Variants in WDR76 observed in about 807,000 individuals in gnomAD.
WDR76 encodes the protein WD repeat domain 76, also known as WD repeat-containing protein 76.
In WDR76, 52 loss-of-function variants were observed where a neutral mutation model predicts 70.2. The observed-to-expected ratio is 0.74, with a 90% confidence interval of 0.59 to 0.93. The LOEUF (loss-of-function observed/expected upper bound fraction) is 0.93, where lower values mean the gene tolerates loss of function less well. WDR76 is among the 40% of genes least tolerant of loss of function. The pLI, the probability that WDR76 is intolerant of heterozygous loss-of-function variation, is 0.00. For missense variants in WDR76, 756 were observed against 760.2 expected (o/e 0.99, Z 0.07); for synonymous variants, 292 against 271.1 (o/e 1.08, Z -0.76).
rs921948036 is a variant in WDR76, at chr15:43,866,695, T to C, written c.*303T>C. 1.6e-5 allele frequency: 4 copies of C among 255,248 alleles called. No homozygotes were observed. The highest frequency in any genetic ancestry group is 2.3e-5 in the African/African-American group (1 of 43,480). 15.8% of individuals were successfully genotyped at this position (255,248 alleles called of 1,614,324 possible). On this transcript the variant is annotated 3_prime_UTR_variant, in exon 13 of 13. Transcript: ENST00000263795. ...AGGCTGGAGTGCAATAGCGCGATCT[T>C]GGCTCACCGCAACCTCCGCCTCCCA...
chr15:43,843,568 A>G (rs1010329772), intron 7 of WDR76, among the ~76,000 whole-genome samples: 5 of 152,010 alleles, frequency 3.3e-5, no homozygotes, highest in Admixed American at 2.0e-4. Flanking sequence ...TATTGTGAAC[A>G]TTTTTATGGC....
chr15:43,845,991 G>T lies in WDR76; in HGVS notation c.1032+1937G>T, dbSNP rs575953301. Among the ~76,000 whole-genome samples, 428 of 150,156 alleles carry T rather than the reference G, an allele frequency of 2.9e-3. 28 individuals are homozygous for T. The highest frequency in any genetic ancestry group is 5.5e-3 in the Non-Finnish European group (365 of 66,940). On this transcript the variant is annotated intron_variant, in intron 8 of 12. Transcript: ENST00000263795. ...CCTTATTTTGATAAGATGTGAGTGGGGATAGGAGGTGATAGGATTTAGCAA... is the reference window on the plus strand; with the variant it reads ...CCTTATTTTGATAAGATGTGAGTGGTGATAGGAGGTGATAGGATTTAGCAA...
intron 4 of WDR76, among the ~76,000 whole-genome samples, chr15:43,838,741 G>A (rs2087687839): frequency 6.6e-6 from 1 of 152,026 alleles, no homozygotes; most frequent in South Asian, 2.1e-4. Context: ...GAACAATTGA[G>A]TTGTTATTTT....
At chr15:43,845,452 A>G (rs151166662) in intron 8 of WDR76, among the ~76,000 whole-genome samples, 1 of 150,332 alleles carries the variant, frequency 6.7e-6, no homozygotes, top group East Asian at 1.9e-4. Context: ...CCATATGAGG[A>G]CACAGCTAGA....
At chr15:43,827,792 G>T (rs369294089) in intron 1 of WDR76, among the ~76,000 whole-genome samples, 173 bp from the exon 2 acceptor site, 1 of 152,116 alleles carries the variant, frequency 6.6e-6, no homozygotes, top group Non-Finnish European at 1.5e-5. Flanking sequence ...CGATCTGCCC[G>T]ATTGGGCCTC....
chr15:43,865,160 A>G (rs746176673), intron 12 of WDR76, among the ~76,000 whole-genome samples: 3 of 148,160 alleles, frequency 2.0e-5, no homozygotes, highest in Non-Finnish European at 3.0e-5. Context: ...CAGTGGTGCA[A>G]TCTCGGCTCA....
intron 9 of WDR76, among the ~76,000 whole-genome samples, chr15:43,856,085 GTA>G (rs1222729702): frequency 6.6e-6 from 1 of 151,968 alleles, no homozygotes; most frequent in Admixed American, 6.6e-5. Flanking sequence ...TCACTTAATA[GTA>G]TATCTTGGAC....
chr15:43,843,926 G>A lies in WDR76; in HGVS notation c.904G>A (p.Val302Ile). 6.3e-7 allele frequency: 1 copy of A among 1,592,464 alleles called. No individual in the cohort carries two copies. Among genetic ancestry groups the A allele is most frequent in the Non-Finnish European group, 8.6e-7 (1 of 1,168,548 alleles). The change falls in exon 8 of 13, where the codon GTC becomes ATC. Residue 302 changes from valine (V) to isoleucine (I), a missense_variant. Val to Ile is a conservative substitution (Grantham distance 29). Coordinates refer to ENST00000263795, the MANE Select transcript of WDR76 (RefSeq NM_024908.4). ...CTACAAAGCCAATTTAAATGGCATG[G>A]TCATTAGTGAAGATACCGTTTACAA... ...KSYKANLNGM[V>I]ISEDTVYKVT...
intron 7 of WDR76, among the ~76,000 whole-genome samples, chr15:43,843,323 C>T (rs922246451): frequency 9.2e-5 from 14 of 151,796 alleles, no homozygotes; most frequent in African/African-American, 3.1e-4. Context: ...GCCTGGCCTG[C>T]GTTATGTTTT....
At chr15:43,828,429 T>C (rs2087545299) in intron 2 of WDR76, 63 bp downstream of exon 2, 6 of 1,481,750 alleles carry the variant, frequency 4.0e-6, no homozygotes, top group Non-Finnish European at 5.4e-6. Context: ...TTCTGATAAA[T>C]CGAAGTTTTT....
chr15:43,844,914 C>A (rs1404700440), intron 8 of WDR76, among the ~76,000 whole-genome samples: 1 of 73,810 alleles, frequency 1.4e-5, no homozygotes, highest in Non-Finnish European at 2.4e-5. Flanking sequence ...GGCGACAGAG[C>A]GAGACTCTGT....
intron 5 of WDR76, among the ~76,000 whole-genome samples, chr15:43,841,785 G>A (rs1207820848): frequency 2.0e-5 from 3 of 152,206 alleles, no homozygotes; most frequent in Admixed American, 2.0e-4. Context: ...GATAATCTGA[G>A]TCAATTCTCA....
chr15:43,833,741 A>G (rs1278378593), intron 2 of WDR76, among the ~76,000 whole-genome samples: 1 of 151,784 alleles, frequency 6.6e-6, no homozygotes, highest in Non-Finnish European at 1.5e-5. Context: ...GGTTCAAGCA[A>G]TTCTTCTGTC....
chr15:43,850,267 TTTTTA>T (rs71421806), intron 8 of WDR76, among the ~76,000 whole-genome samples: 18,830 of 148,334 alleles, frequency 0.13, 1,422 homozygotes, highest in Middle Eastern at 0.23. Flanking sequence ...TGGTGTTATT[TTTTTA>T]TTTTATTTTA....
intron 12 of WDR76, among the ~76,000 whole-genome samples, chr15:43,865,525 C>G (rs2088060037): frequency 6.6e-6 from 1 of 152,178 alleles, no homozygotes; most frequent in Non-Finnish European, 1.5e-5. Context: ...ACCCTCTTGG[C>G]CTCCCAAAGT....
At chr15:43,842,752 T>A in intron 7 of WDR76, 81 bp downstream of exon 7, 1 of 1,324,332 alleles carries the variant, frequency 7.6e-7, no homozygotes, top group Non-Finnish European at 1.0e-6. Flanking sequence ...TTAGGGAATT[T>A]TGAAAGTGAG....
Position 43,868,307 on chromosome 15 carries a change from T to G in WDR76, c.*1915T>G, listed in dbSNP as rs2088098646. On this transcript the variant is annotated 3_prime_UTR_variant, in exon 13 of 13. Coordinates refer to ENST00000263795, the MANE Select transcript of WDR76 (RefSeq NM_024908.4). ...TACGGGAATTGTTTTTGTTTTTGTT[T>G]TTAAAGATGCTGAAAACTACTCTCA... is the stretch of plus-strand genomic sequence containing the variant. 1 of 152,218 alleles carries G rather than the reference T, an allele frequency of 6.6e-6. No homozygotes were observed. The highest frequency in any genetic ancestry group is 2.4e-5 in the African/African-American group (1 of 41,454). 9.4% of individuals were successfully genotyped at this position (152,218 alleles called of 1,614,324 possible). A position where few individuals can be genotyped will look rare whatever the true frequency, so the allele number is the denominator to read the frequency against.
At chr15:43,861,105 A>T (rs1364207099) in intron 11 of WDR76, among the ~76,000 whole-genome samples, 1 of 151,200 alleles carries the variant, frequency 6.6e-6, no homozygotes, top group Non-Finnish European at 1.5e-5. Flanking sequence ...TTTTTTGTAC[A>T]GATGGGTCTC....
intron 4 of WDR76, among the ~76,000 whole-genome samples, chr15:43,837,566 T>A (rs1379781664): frequency 6.6e-6 from 1 of 152,138 alleles, no homozygotes; most frequent in African/African-American, 2.4e-5. Context: ...CAAATTTGGG[T>A]TCAAGTTTTG....
Sources: gnomAD v4.1 joint callset for allele counts (sites outside exome capture counted in the v4.1 genomes callset) on GRCh38, gnomAD v4.1.1 for gene constraint, MANE v1.5 for transcripts, NCBI Gene and HGNC (gene_info 2026-07-23, HGNC 2026-07-21) for gene names.